MMD2: variants seen among roughly 807,000 people sequenced by gnomAD.
MMD2 encodes monocyte to macrophage differentiation factor 2.
Under a neutral mutation model 33.5 loss-of-function variants are expected in MMD2, and 30 were observed. The ratio of observed to expected loss-of-function variants is 0.90; its 90% CI spans 0.67 to 1.22. The LOEUF (loss-of-function observed/expected upper bound fraction) is 1.22, where lower values mean the gene tolerates loss of function less well. Ranked by LOEUF, MMD2 falls within the 50% of genes most tolerant of loss-of-function variation. The pLI is 0.00. For synonymous variants in MMD2, 129 were observed against 123.0 expected, an observed-to-expected ratio of 1.05 and a Z score of -0.32; for missense variants, 364 against 325.4, an observed-to-expected ratio of 1.12 and a Z score of -0.91.
chr7:4,904,143 G>C (rs1784830259), downstream of MMD2, among the ~76,000 whole-genome samples: 2 of 152,120 alleles, frequency 1.3e-5, no homozygotes, highest in African/African-American at 4.8e-5. Context: ...ACGTTGGCCA[G>C]GCTGGTCTCG....
At chr7:4,898,417 G>A in the MMD2 span, among the ~76,000 whole-genome samples, 7 of 152,182 alleles carry the variant, frequency 4.6e-5, no homozygotes, top group African/African-American at 1.2e-4. Flanking sequence ...TTAGGATTTA[G>A]ACGCACTCAT....
the MMD2 span, among the ~76,000 whole-genome samples, chr7:4,894,888 T>C: frequency 2.0e-5 from 3 of 151,990 alleles, no homozygotes; most frequent in Admixed American, 6.6e-5. This position sits in a 1 kb window ranked among gnomAD's most constrained non-coding sequence, Gnocchi z 4.3. Flanking sequence ...GAGGTTTTTA[T>C]TGGGTGATGG....
chr7:4,918,200 G>T (rs1785187876), intron 3 of MMD2, among the ~76,000 whole-genome samples: 1 of 152,198 alleles, frequency 6.6e-6, no homozygotes, highest in African/African-American at 2.4e-5. Flanking sequence ...ATTTGAGACA[G>T]AGTAAGTGTT....
chr7:4,953,869 G>A lies in MMD2; in HGVS notation c.47+5102C>T, dbSNP rs147538792. On this transcript the variant is annotated intron_variant, in intron 1 of 6. Coordinates refer to ENST00000401401, the MANE Select transcript of MMD2 (RefSeq NM_198403.4). ...TGAAATTTACATTTTGCCTTTTATC[G>A]TATTTTTTGGAGATGGAGTTGTTCT... Among the ~76,000 whole-genome samples the A allele has an allele frequency of 1.2e-4, 18 of 151,440 alleles. No individual in the cohort carries two copies. In the South Asian group the frequency reaches 2.5e-3, roughly 21 times the overall value.
chr7:4,910,080 T>C, intron 5 of MMD2, 130 bp from the exon 6 acceptor site: 1 of 1,590,536 alleles, frequency 6.3e-7, no homozygotes, highest in Non-Finnish European at 8.6e-7. Context: ...GCTTTCTCTG[T>C]CCAGCACGCC....
intron 1 of MMD2, among the ~76,000 whole-genome samples, chr7:4,949,640 T>C (rs1471718675): frequency 6.6e-6 from 1 of 151,682 alleles, no homozygotes; most frequent in African/African-American, 2.4e-5. Flanking sequence ...GCCTCCCGAG[T>C]AGCTGGGACT....
intron 1 of MMD2, among the ~76,000 whole-genome samples, chr7:4,945,234 TTCTTCC>T (rs1235605782): frequency 3.4e-5 from 5 of 147,970 alleles, no homozygotes; most frequent in Non-Finnish European, 7.4e-5. Flanking sequence ...CTTCTTCTTC[TTCTTCC>T]TCTCTCTCTT....
downstream of MMD2, among the ~76,000 whole-genome samples, chr7:4,903,410 C>T (rs1253707383): frequency 2.0e-5 from 3 of 151,348 alleles, no homozygotes; most frequent in Non-Finnish European, 2.9e-5. Flanking sequence ...CACCCTCAAG[C>T]GCTATCCTAT....
In MMD2 at chr7:4,959,085, C is replaced by A. The variant is rs1443608452; in HGVS notation, c.-68G>T. On this transcript the variant is annotated 5_prime_UTR_variant, in exon 1 of 7. Transcript: ENST00000401401. ...GGTAGCTGGCAGAGCCTGGGGGGCG[C>A]GGCGGCGGCAGCAGCAGGTTGGAGG... is the stretch of plus-strand genomic sequence containing the variant. The A allele has an allele frequency of 6.7e-6, 8 of 1,192,574 alleles. No homozygotes were observed. Among genetic ancestry groups the A allele is most frequent in the Non-Finnish European group, 8.5e-6 (8 of 942,986 alleles). 73.9% of individuals were successfully genotyped at this position (1,192,574 alleles called of 1,614,324 possible). A position where few individuals can be genotyped will look rare whatever the true frequency, so the allele number is the denominator to read the frequency against.
rs72291506 is a variant in MMD2, at chr7:4,957,163, CA to C, written c.47+1807del. ...AGTCGGCAACAGAGTGAGACTGTCT[CA>C]AAAAAAAAAATATATATATATATAT... is the stretch of plus-strand genomic sequence containing the variant. On this transcript the variant is annotated intron_variant, in intron 1 of 6. Coordinates refer to ENST00000401401, the MANE Select transcript of MMD2 (RefSeq NM_198403.4). 3.0e-3 allele frequency among the ~76,000 whole-genome samples: 416 copies of C among 138,408 alleles called. 2 individuals are homozygous for C. The highest frequency in any genetic ancestry group is 7.8e-3 in the East Asian group (36 of 4,612). 90.8% of individuals were successfully genotyped at this position (138,408 alleles called of 152,430 possible). A position where few individuals can be genotyped will look rare whatever the true frequency, so the allele number is the denominator to read the frequency against.
chr7:4,939,385 A>C (rs1171661675), intron 1 of MMD2, among the ~76,000 whole-genome samples: 3 of 151,960 alleles, frequency 2.0e-5, no homozygotes, highest in Non-Finnish European at 4.4e-5. Context: ...CAAAAAAAAA[A>C]CTTAAAAATT....
intron 2 of MMD2, among the ~76,000 whole-genome samples, chr7:4,922,356 G>A (rs1785309947): frequency 6.6e-6 from 1 of 152,066 alleles, no homozygotes; most frequent in South Asian, 2.1e-4. Context: ...GATCCCTTGA[G>A]GCCAGGAGTT....
chr7:4,943,577 G>T (rs565260030), intron 1 of MMD2, among the ~76,000 whole-genome samples: 8 of 152,120 alleles, frequency 5.3e-5, no homozygotes, highest in Non-Finnish European at 7.3e-5. Flanking sequence ...GGTTTAGGCT[G>T]AGCACTCACA....
chr7:4,899,850 C>T, the MMD2 span, among the ~76,000 whole-genome samples: 1 of 152,146 alleles, frequency 6.6e-6, no homozygotes, highest in African/African-American at 2.4e-5. Context: ...AACACCTAAC[C>T]CATAAGGGCT....
chr7:4,927,337 G>C (rs13307005), intron 1 of MMD2, among the ~76,000 whole-genome samples: 26,172 of 151,960 alleles, frequency 0.17, 2,656 homozygotes, highest in Non-Finnish European at 0.25. Flanking sequence ...TTTAGGCCAG[G>C]AGTTCGAGAC....
chr7:4,916,013 G>T lies in MMD2; in HGVS notation c.357C>A (p.Tyr119Ter). The T allele has an allele frequency of 1.9e-6, 3 of 1,613,836 alleles. No homozygotes were observed. The highest frequency in any genetic ancestry group is 2.5e-6 in the Non-Finnish European group (3 of 1,179,824). ...MVIYFFIAAS[Y>*]APWLNLRELG... ...GGCGGGACGGTACTCACCAGGGTGCGTAGGAAGCCGCTATGAAGAAATAGA... is the reference window on the plus strand; with the variant it reads ...GGCGGGACGGTACTCACCAGGGTGCTTAGGAAGCCGCTATGAAGAAATAGA... The change falls in exon 4 of 7, where the codon TAC becomes TAA. Residue 119 changes from tyrosine to a stop codon, truncating the protein, a stop_gained. Transcript: ENST00000401401. LOFTEE classifies it high-confidence loss of function.
chr7:4,952,408 C>A (rs866541667), intron 1 of MMD2, among the ~76,000 whole-genome samples: 1 of 152,176 alleles, frequency 6.6e-6, no homozygotes, highest in Non-Finnish European at 1.5e-5. Flanking sequence ...CAACTCAGCT[C>A]TTCAGTCAAG....
Position 4,907,320 on chromosome 7 carries a change from G to T in MMD2, c.*76C>A. ...CAATAAAGGGAAGACAGGCCTTGGC[G>T]CTGTGCTCTGGGTTAACGTTCACAG... On this transcript the variant is annotated 3_prime_UTR_variant, in exon 7 of 7. Transcript: ENST00000401401. 7.0e-7 allele frequency: 1 copy of T among 1,433,490 alleles called. No individual in the cohort carries two copies. 88.8% of individuals were successfully genotyped at this position (1,433,490 alleles called of 1,614,324 possible). A position where few individuals can be genotyped will look rare whatever the true frequency, so the allele number is the denominator to read the frequency against.
intron 1 of MMD2, among the ~76,000 whole-genome samples, chr7:4,928,057 C>T (rs1785479059): frequency 6.6e-6 from 1 of 152,218 alleles, no homozygotes. Context: ...GGCTGTCGGA[C>T]CAGCAGCCGG....
Sources: gnomAD v4.1 joint callset for allele counts (sites outside exome capture counted in the v4.1 genomes callset) on GRCh38, gnomAD v4.1.1 for gene constraint, Gnocchi (gnomAD v3.1) non-coding constraint, MANE v1.5 for transcripts, NCBI Gene and HGNC (gene_info 2026-07-23, HGNC 2026-07-21) for gene names.